Variants in ZPLD1 observed in about 807,000 individuals in gnomAD.
The protein encoded by ZPLD1 is zona pellucida-like domain-containing protein 1.
A neutral mutation model predicts 47.2 loss-of-function variants in ZPLD1; 34 were observed. That is an observed-to-expected ratio of 0.72 (90% CI 0.55 to 0.96). ZPLD1 has a LOEUF of 0.96. ZPLD1 is among the 40% of genes least tolerant of loss of function. ZPLD1 has a pLI of 0.00. For missense variants in ZPLD1, 512 were observed against 505.8 expected (o/e 1.01, Z -0.12); for synonymous variants, 176 against 186.2 (o/e 0.95, Z 0.45).
At chr3:102,393,440 C>A (rs531005591) in intron 7 of ZPLD1, among the ~76,000 whole-genome samples, 1 of 152,098 alleles carries the variant, frequency 6.6e-6, no homozygotes, top group Non-Finnish European at 1.5e-5. Flanking sequence ...TTTACCAGTG[C>A]AGTAAAAAGA....
At chr3:102,463,177 T>C (rs1407385901) in intron 7 of ZPLD1, among the ~76,000 whole-genome samples, 1 of 152,178 alleles carries the variant, frequency 6.6e-6, no homozygotes, top group Admixed American at 6.5e-5. Context: ...AATGGACTAA[T>C]GTATAAATGT....
At chr3:102,437,570 C>T (rs1324518585) in intron 2 of ZPLD1, among the ~76,000 whole-genome samples, 1 of 152,114 alleles carries the variant, frequency 6.6e-6, no homozygotes, top group Non-Finnish European at 1.5e-5. Context: ...GACCACCAAC[C>T]CAAAAGATTC....
chr3:102,414,039 G>T (rs1265492461), intron 7 of ZPLD1, among the ~76,000 whole-genome samples: 2 of 151,748 alleles, frequency 1.3e-5, no homozygotes, highest in Non-Finnish European at 2.9e-5. Context: ...GTGCTTTCCA[G>T]TTGGACATGA....
At chr3:102,400,052 C>T (rs1248835799) in intron 7 of ZPLD1, among the ~76,000 whole-genome samples, 1 of 151,990 alleles carries the variant, frequency 6.6e-6, no homozygotes, top group Non-Finnish European at 1.5e-5. Flanking sequence ...CTCCTGGGCT[C>T]AAGTGATTCA....
chr3:102,403,255 T>C (rs1396216956), intron 7 of ZPLD1, among the ~76,000 whole-genome samples: 2 of 151,962 alleles, frequency 1.3e-5, no homozygotes, highest in African/African-American at 4.8e-5. Context: ...AAAAAAATTC[T>C]CCATCCATCT....
At chr3:102,397,286 C>G (rs1211150258) in intron 7 of ZPLD1, among the ~76,000 whole-genome samples, 1 of 152,158 alleles carries the variant, frequency 6.6e-6, no homozygotes, top group African/African-American at 2.4e-5. Context: ...ACACCAGAAT[C>G]AATGGCAGAC....
At chr3:102,410,977 T>G (rs1369125332) in intron 7 of ZPLD1, among the ~76,000 whole-genome samples, 1 of 151,826 alleles carries the variant, frequency 6.6e-6, no homozygotes, top group Non-Finnish European at 1.5e-5. Context: ...TAATAATTGT[T>G]TATGTAAAGG....
chr3:102,390,686 A>G (rs1706485385), intron 6 of ZPLD1, among the ~76,000 whole-genome samples: 1 of 152,170 alleles, frequency 6.6e-6, no homozygotes, highest in Non-Finnish European at 1.5e-5. Context: ...TCTCTAAACA[A>G]CTGATAAAGT....
intron 1 of ZPLD1, among the ~76,000 whole-genome samples, chr3:102,436,453 G>T (rs544908508): frequency 7.2e-5 from 11 of 152,188 alleles, no homozygotes; most frequent in African/African-American, 2.6e-4. Context: ...TCTATTAAAA[G>T]ATACACAAAG....
At chr3:102,398,882 A>G (rs779563792) in intron 7 of ZPLD1, among the ~76,000 whole-genome samples, 1 of 113,738 alleles carries the variant, frequency 8.8e-6, no homozygotes, top group Non-Finnish European at 2.1e-5. Context: ...GCGCACGCAC[A>G]CACACACACA....
At chr3:102,417,886 A>G (rs1041909931) in intron 7 of ZPLD1, among the ~76,000 whole-genome samples, 1 of 151,836 alleles carries the variant, frequency 6.6e-6, no homozygotes, top group African/African-American at 2.4e-5. Context: ...CAGGTAGGGG[A>G]AAAAAAGAGA....
chr3:102,451,299 T>G (rs147526454), intron 3 of ZPLD1, among the ~76,000 whole-genome samples: 163 of 152,374 alleles, frequency 1.1e-3, no homozygotes, highest in African/African-American at 3.7e-3. Flanking sequence ...AAAACTTGAA[T>G]GAAATTTACA....
At chr3:102,396,402 C>T (rs1241561512) in intron 7 of ZPLD1, among the ~76,000 whole-genome samples, 2 of 152,098 alleles carry the variant, frequency 1.3e-5, no homozygotes, top group Non-Finnish European at 2.9e-5. Flanking sequence ...ACGCACCGAA[C>T]TCAGACAAGT....
intron 4 of ZPLD1, among the ~76,000 whole-genome samples, chr3:102,454,510 G>C (rs1019733516): frequency 6.6e-6 from 1 of 152,156 alleles, no homozygotes; most frequent in African/African-American, 2.4e-5. Context: ...GCCAGGAAAA[G>C]TGTGCAATGT....
chr3:102,450,047 A>G (rs1246681697), intron 3 of ZPLD1, among the ~76,000 whole-genome samples: 1 of 152,214 alleles, frequency 6.6e-6, no homozygotes, highest in Non-Finnish European at 1.5e-5. Flanking sequence ...TTCTAAGGCA[A>G]TACGACAGCA....
At position 102,462,309 on chromosome 3, in the gene ZPLD1, TC is replaced by T; in HGVS notation, c.615del (p.Ser206ValfsTer2). 1 of 1,610,904 alleles carries T rather than the reference TC, an allele frequency of 6.2e-7. No homozygotes were observed. Among genetic ancestry groups the T allele is most frequent in the Non-Finnish European group, 8.5e-7 (1 of 1,178,472 alleles). On this transcript the variant is annotated frameshift_variant, in exon 7 of 12. Transcript: ENST00000466937. LOFTEE classifies it high-confidence loss of function. The stretch of plus-strand genomic sequence containing the variant: ...TCAACCTACAACCAGCAGTTAATTA[TC>T]CCCAGTATAGGATTACCTTTGAAAA... ...NDSTYNQQLI[I>X]PSIGLPLKTK... is the part of the protein sequence containing the mutation.
intron 10 of ZPLD1, among the ~76,000 whole-genome samples, chr3:102,475,357 A>G (rs545405564): frequency 6.6e-6 from 1 of 152,172 alleles, no homozygotes; most frequent in African/African-American, 2.4e-5. Flanking sequence ...GGATGCAGAA[A>G]ATAGCAGAAA....
At position 102,438,584 on chromosome 3, in the gene ZPLD1, A is replaced by G; in HGVS notation, c.97A>G (p.Arg33Gly). The change falls in exon 3 of 12, where the codon AGA becomes GGA. Residue 33 changes from arginine to glycine, a missense_variant. Physicochemically the swap from Arg to Gly is moderately radical, Grantham distance 125 (BLOSUM62 -2). Coordinates refer to ENST00000466937, the MANE Select transcript of ZPLD1 (RefSeq NM_001329788.2). ...GYNCDANLHS[R>G]FPAERDISVY... is the part of the protein sequence containing the mutation. The stretch of plus-strand genomic sequence containing the variant: ...CAACTGTGATGCCAACCTCCACAGT[A>G]GATTTCCTGGTAAGTGTAAGCCTAA... 1 of 1,610,966 alleles carries G rather than the reference A, an allele frequency of 6.2e-7. No individual in the cohort carries two copies. Among genetic ancestry groups the G allele is most frequent in the Non-Finnish European group, 8.5e-7 (1 of 1,177,100 alleles).
Position 102,447,540 on chromosome 3 carries a change from G to A in ZPLD1, c.107-5379G>A, listed in dbSNP as rs1707276905. 3.3e-5 allele frequency among the ~76,000 whole-genome samples: 5 copies of A among 152,114 alleles called. No individual in the cohort carries two copies. In the South Asian group the frequency reaches 1.0e-3, roughly 32 times the overall value. On this transcript the variant is annotated intron_variant, in intron 3 of 11. Coordinates refer to ENST00000466937, the MANE Select transcript of ZPLD1 (RefSeq NM_001329788.2). ...CATCTTTGTATTGCAGAATACATAT[G>A]TGCAAATTCTTTGAATAATTTATTA...
Sources: allele counts gnomAD v4.1 joint callset (sites outside exome capture counted in the v4.1 genomes callset), GRCh38; gene constraint gnomAD v4.1.1; transcripts MANE v1.5; gene names NCBI Gene and HGNC (gene_info 2026-07-23, HGNC 2026-07-21).